Variants in ASPHD2 observed in about 807,000 individuals in gnomAD.
ASPHD2 encodes the protein aspartate beta-hydroxylase domain-containing protein 2.
A neutral mutation model predicts 34.6 loss-of-function variants in ASPHD2; 12 were observed. The ratio of observed to expected loss-of-function variants is 0.35; its 90% CI spans 0.22 to 0.56. The LOEUF (loss-of-function observed/expected upper bound fraction) is 0.56. ASPHD2 is among the 20% of genes least tolerant of loss of function. The pLI is 0.87. For synonymous variants in ASPHD2, 224 were observed against 212.2 expected (o/e 1.06, Z -0.48); for missense variants, 375 against 505.0 (o/e 0.74, Z 2.47).
chr22:26,435,871 C>T (rs1193260578), intron 2 of ASPHD2, among the ~76,000 whole-genome samples: 8 of 152,116 alleles, frequency 5.3e-5, no homozygotes, highest in Admixed American at 5.2e-4. Context: ...AGCAGTCAGC[C>T]GTGAGACTTT....
rs762310187 is a variant in ASPHD2 at position 26,433,946 on chromosome 22, C to G, written c.331C>G (p.Pro111Ala). 1 of 1,613,620 alleles carries G rather than the reference C, an allele frequency of 6.2e-7. No homozygotes were observed. The highest frequency in any genetic ancestry group is 8.5e-7 in the Non-Finnish European group (1 of 1,180,034). ...LQNGYVYCQSPECVRCTHNEG... is the reference protein window; with the variant it reads ...LQNGYVYCQSAECVRCTHNEG... ...GAATGGCTACGTGTACTGCCAGTCCCCTGAGTGCGTGCGCTGCACCCACAA... is the reference window on the plus strand; with the variant it reads ...GAATGGCTACGTGTACTGCCAGTCCGCTGAGTGCGTGCGCTGCACCCACAA... The change falls in exon 2 of 4, where the codon CCT becomes GCT. Residue 111 changes from proline (P) to alanine (A), a missense_variant. By Grantham distance (27) the Pro-to-Ala change is conservative. This residue lies in a region of ASPHD2 where 223 missense variants were observed against 257.8 expected (regional missense o/e 0.87). Coordinates refer to ENST00000215906, the MANE Select transcript of ASPHD2 (RefSeq NM_020437.5). This position sits in a 1 kb window ranked among gnomAD's most constrained non-coding sequence, Gnocchi z 5.1.
chr22:26,434,249 T>C lies in ASPHD2; in HGVS notation c.634T>C (p.Cys212Arg). The change falls in exon 2 of 4, where the codon TGC becomes CGC. Residue 212 changes from cysteine (C) to arginine (R), a missense_variant. Cys to Arg is a radical substitution (Grantham distance 180). Transcript: ENST00000215906. ...FETLYKAFSNCSLPQGWKMNS... is the reference protein window; with the variant it reads ...FETLYKAFSNRSLPQGWKMNS... ...GACCCTCTACAAAGCTTTCTCAAAC[T>C]GCAGCCTCCCGCAAGGATGGAAAAT... The C allele has an allele frequency of 3.1e-6, 5 of 1,614,210 alleles. No homozygotes were observed. The highest frequency in any genetic ancestry group is 4.2e-6 in the Non-Finnish European group (5 of 1,180,034).
At chr22:26,442,635 GT>G in intron 3 of ASPHD2, 63 bp downstream of exon 3, 3 of 1,372,728 alleles carry the variant, frequency 2.2e-6, no homozygotes, top group African/African-American at 1.5e-5. Flanking sequence ...TTTTAGAGAA[GT>G]TTTAGGTTTC....
chr22:26,438,680 C>CAT (rs199798237), intron 2 of ASPHD2, among the ~76,000 whole-genome samples: 8,863 of 77,290 alleles, frequency 0.11, 729 homozygotes, highest in South Asian at 0.2. Context: ...TACATACATA[C>CAT]ACACACACAC....
intron 1 of ASPHD2, among the ~76,000 whole-genome samples, chr22:26,430,196 G>T (rs906563073): frequency 1.3e-5 from 2 of 152,198 alleles, no homozygotes; most frequent in Non-Finnish European, 2.9e-5. Context: ...CTGCTCACTG[G>T]GGGGCTTCCA....
At chr22:26,437,536 A>G (rs573717619) in intron 2 of ASPHD2, among the ~76,000 whole-genome samples, 1 of 152,348 alleles carries the variant, frequency 6.6e-6, no homozygotes, top group South Asian at 2.1e-4. Flanking sequence ...GCACTGCCAC[A>G]AACTTCCAGA....
Position 26,444,333 on chromosome 22 carries a change from A to C in ASPHD2, c.*1127A>C, listed in dbSNP as rs2084889961. On this transcript the variant is annotated 3_prime_UTR_variant, in exon 4 of 4. Coordinates refer to ENST00000215906, the MANE Select transcript of ASPHD2 (RefSeq NM_020437.5). ...TCTTTGTCATGGCACAAAGGTGTGCACTGCGTGACAATGACCCAAGCCAGT... is the reference window on the plus strand; with the variant it reads ...TCTTTGTCATGGCACAAAGGTGTGCCCTGCGTGACAATGACCCAAGCCAGT... The C allele has an allele frequency of 6.6e-6, 1 of 152,050 alleles. No individual in the cohort carries two copies. Among genetic ancestry groups the C allele is most frequent in the Admixed American group, 6.5e-5 (1 of 15,276 alleles). 9.4% of individuals were successfully genotyped at this position (152,050 alleles called of 1,614,324 possible). A position where few individuals can be genotyped will look rare whatever the true frequency, so the allele number is the denominator to read the frequency against.
chr22:26,436,202 C>A (rs368414546), intron 2 of ASPHD2, among the ~76,000 whole-genome samples: 7 of 152,358 alleles, frequency 4.6e-5, no homozygotes, highest in South Asian at 4.1e-4. Context: ...TTGGGCAGGG[C>A]TCTGAACCTC....
chr22:26,429,406 G>A lies in ASPHD2; in HGVS notation c.-305G>A, dbSNP rs957564591. ...GCCAGGCGGCGGCTCCGCGGCGCCG[G>A]GCAGGGGCCGTCCGCGGGTCCGCGC... On this transcript the variant is annotated 5_prime_UTR_variant, in exon 1 of 4. Coordinates refer to ENST00000215906, the MANE Select transcript of ASPHD2 (RefSeq NM_020437.5). The surrounding 1 kb of genome is among the most constrained non-coding windows in gnomAD (Gnocchi z 4.5). The A allele has an allele frequency of 2.0e-5, 3 of 147,872 alleles. No homozygotes were observed. Among genetic ancestry groups the A allele is most frequent in the African/African-American group, 7.3e-5 (3 of 40,970 alleles). The allele number at this position is 147,872 out of a possible 1,614,324, so 9.2% of individuals were successfully genotyped here.
intron 2 of ASPHD2, 53 bp downstream of exon 2, chr22:26,434,554 C>T (rs2084779110): frequency 6.6e-7 from 1 of 1,511,312 alleles, no homozygotes; most frequent in Non-Finnish European, 8.9e-7. Flanking sequence ...AGCTCAGCCC[C>T]TCTCCATCAA....
intron 2 of ASPHD2, among the ~76,000 whole-genome samples, chr22:26,436,854 G>A (rs71322612): frequency 0.053 from 8,105 of 152,154 alleles, 251 homozygotes; most frequent in African/African-American, 0.072. Context: ...GTGTGTGTGT[G>A]TGTGTGTGTG....
At chr22:26,439,697 A>G (rs2146132885) in intron 2 of ASPHD2, among the ~76,000 whole-genome samples, 1 of 152,304 alleles carries the variant, frequency 6.6e-6, no homozygotes, top group African/African-American at 2.4e-5. Flanking sequence ...GAAGTCCCAT[A>G]GCAGCCCTGG....
Position 26,444,782 on chromosome 22 carries a change from A to G in ASPHD2, c.*1576A>G, listed in dbSNP as rs2084898562. The G allele has an allele frequency of 6.6e-6, 1 of 152,238 alleles. No homozygotes were observed. The highest frequency in any genetic ancestry group is 2.4e-5 in the African/African-American group (1 of 41,464). 9.4% of individuals were successfully genotyped at this position (152,238 alleles called of 1,614,324 possible). The stretch of plus-strand genomic sequence containing the variant: ...GTCTACATTTGAGTAAAATGTCTAC[A>G]CAGATATTTGTCAGTGATGAGAATG... On this transcript the variant is annotated 3_prime_UTR_variant, in exon 4 of 4. Coordinates refer to ENST00000215906, the MANE Select transcript of ASPHD2 (RefSeq NM_020437.5).
chr22:26,438,915 TATTTGCTGGAAGCTGATTAG>T (rs2084819043), intron 2 of ASPHD2, among the ~76,000 whole-genome samples: 1 of 152,128 alleles, frequency 6.6e-6, no homozygotes, highest in South Asian at 2.1e-4. Context: ...GCCTGCTTTA[TATTTGCTGGAAGCTGATTAG>T]ATTGTGCCTG....
chr22:26,433,261 G>A lies in ASPHD2; in HGVS notation c.-224-131G>A, dbSNP rs1247221462. ...GAAATGGGAGTGGCAGTAGAATGGG[G>A]AGGGAATACACAAGATTGCAAAGTG... On this transcript the variant is annotated intron_variant, in intron 1 of 3. Transcript: ENST00000215906. The surrounding 1 kb of genome is among the most constrained non-coding windows in gnomAD (Gnocchi z 5.1). The A allele has an allele frequency of 3.4e-6, 1 of 291,364 alleles. No individual in the cohort carries two copies. Among genetic ancestry groups the A allele is most frequent in the African/African-American group, 2.2e-5 (1 of 44,476 alleles). The allele number at this position is 291,364 out of a possible 1,614,324, so 18.0% of individuals were successfully genotyped here. A position where few individuals can be genotyped will look rare whatever the true frequency, so the allele number is the denominator to read the frequency against.
At chr22:26,435,737 AAAG>A (rs1439219139) in intron 2 of ASPHD2, among the ~76,000 whole-genome samples, 2 of 150,962 alleles carry the variant, frequency 1.3e-5, no homozygotes, top group Non-Finnish European at 2.9e-5. Context: ...AAAGAAAAGA[AAAG>A]AAAAGAAAAG....
intron 2 of ASPHD2, among the ~76,000 whole-genome samples, chr22:26,440,282 A>T (rs1280062358): frequency 6.6e-6 from 1 of 152,158 alleles, no homozygotes; most frequent in Non-Finnish European, 1.5e-5. Flanking sequence ...TGGCCGGTTG[A>T]AGCATACGGC....
At chr22:26,431,869 G>A (rs1246826323) in intron 1 of ASPHD2, among the ~76,000 whole-genome samples, 1 of 152,210 alleles carries the variant, frequency 6.6e-6, no homozygotes, top group African/African-American at 2.4e-5. Context: ...TCTTCATCCA[G>A]TGAGATGAAC....
rs983567740 is a variant in ASPHD2, at chr22:26,443,531, G to A, written c.*325G>A. The A allele has an allele frequency of 5.2e-6, 1 of 193,488 alleles. No homozygotes were observed. Among genetic ancestry groups the A allele is most frequent in the Admixed American group, 5.9e-5 (1 of 16,812 alleles). 12.0% of individuals were successfully genotyped at this position (193,488 alleles called of 1,614,324 possible). A position where few individuals can be genotyped will look rare whatever the true frequency, so the allele number is the denominator to read the frequency against. Reference sequence around the variant, plus strand: ...TGCCCTTGTAAGTCTGTCTTCTGTTGCTACTTGTTTTTTTCAGTGCTCTGA... The same window carrying A: ...TGCCCTTGTAAGTCTGTCTTCTGTTACTACTTGTTTTTTTCAGTGCTCTGA... On this transcript the variant is annotated 3_prime_UTR_variant, in exon 4 of 4. Coordinates refer to ENST00000215906, the MANE Select transcript of ASPHD2 (RefSeq NM_020437.5).
Sources: allele counts gnomAD v4.1 joint callset (sites outside exome capture counted in the v4.1 genomes callset), GRCh38; gene constraint gnomAD v4.1.1; regional missense constraint gnomAD v4.1.1; non-coding constraint Gnocchi (gnomAD v3.1); transcripts MANE v1.5; gene names NCBI Gene and HGNC (gene_info 2026-07-23, HGNC 2026-07-21).